DAZL: variants seen among roughly 807,000 people sequenced by gnomAD.
DAZL encodes the protein deleted in azoospermia like.
In DAZL, 4 loss-of-function variants were observed where a neutral mutation model predicts 45.0. The observed-to-expected ratio is 0.09, with a 90% confidence interval of 0.04 to 0.20. The LOEUF is 0.20. DAZL is among the 10% of genes least tolerant of loss of function. The probability of loss-of-function intolerance (pLI) is 1.00; values close to 1 mark genes in which losing one functional copy is unlikely to be tolerated. For missense variants in DAZL, 326 were observed against 351.3 expected (o/e 0.93, Z 0.58); for synonymous variants, 122 against 112.4 (o/e 1.09, Z -0.54).
At chr3:16,592,257 G>A in intron 9 of DAZL, 109 bp from the exon 10 acceptor site, 4 of 1,481,904 alleles carry the variant, frequency 2.7e-6, no homozygotes, top group Admixed American at 1.8e-5. Context: ...CTAAAGAAAT[G>A]CAAAAAATGC....
At chr3:16,596,717 A>G (rs1229077826) in intron 6 of DAZL, 33 bp downstream of exon 6, 1 of 1,610,980 alleles carries the variant, frequency 6.2e-7, no homozygotes, top group Non-Finnish European at 8.5e-7. Context: ...GACTACAATA[A>G]ACAAGAGAAT....
In DAZL at chr3:16,588,287, G is replaced by A. The variant is rs931648236; in HGVS notation, c.*373C>T. On this transcript the variant is annotated 3_prime_UTR_variant, in exon 11 of 11. Transcript: ENST00000399444. ...CTGTTCACAGGTACTTGTTGGAGAA[G>A]TGAAATGTTTGTATTCAGACCAACA... The A allele has an allele frequency of 4.8e-5, 14 of 289,256 alleles. No individual in the cohort carries two copies. The highest frequency in any genetic ancestry group is 1.3e-3 in the Middle Eastern group (1 of 800). The allele number at this position is 289,256 out of a possible 1,614,324, so 17.9% of individuals were successfully genotyped here.
At position 16,587,189 on chromosome 3, in the gene DAZL, C is replaced by T. The variant is rs1342581967; in HGVS notation, c.*1471G>A. 5 of 152,110 alleles carry T rather than the reference C, an allele frequency of 3.3e-5. No homozygotes were observed. Among genetic ancestry groups the T allele is most frequent in the Admixed American group, 3.3e-4 (5 of 15,254 alleles). 9.4% of individuals were successfully genotyped at this position (152,110 alleles called of 1,614,324 possible). ...AATTCTAAAGTTAAAAGACTCTCTC[C>T]TTCAGATTCAGAATGAAAATTTTAA... On this transcript the variant is annotated 3_prime_UTR_variant, in exon 11 of 11. Coordinates refer to ENST00000399444, the MANE Select transcript of DAZL (RefSeq NM_001351.4).
intron 6 of DAZL, among the ~76,000 whole-genome samples, chr3:16,595,913 A>G (rs1694592647): frequency 6.6e-6 from 1 of 152,032 alleles, no homozygotes; most frequent in Non-Finnish European, 1.5e-5. Flanking sequence ...TTCAATAAAT[A>G]GCTACTGATT....
At chr3:16,603,804 C>T (rs375249548) in intron 1 of DAZL, among the ~76,000 whole-genome samples, 6 of 152,244 alleles carry the variant, frequency 3.9e-5, no homozygotes, top group East Asian at 1.9e-4. Flanking sequence ...TTATGCAGCA[C>T]GGTGTAACTC....
At chr3:16,604,534 G>A (rs1401371046) in intron 1 of DAZL, 18 of 1,472,430 alleles carry the variant, frequency 1.2e-5, no homozygotes, top group Admixed American at 2.5e-5. Flanking sequence ...CAGGCGCGAG[G>A]GGACCAGAGG....
chr3:16,603,866 A>G (rs1645894248), intron 1 of DAZL, among the ~76,000 whole-genome samples: 1 of 152,212 alleles, frequency 6.6e-6, no homozygotes. Flanking sequence ...ATAATCTAGA[A>G]GGTCATACAT....
rs747275846 is a variant in DAZL, at chr3:16,596,880, T to C, written c.368A>G (p.His123Arg). The C allele has an allele frequency of 1.2e-6, 2 of 1,613,820 alleles. No homozygotes were observed. Among genetic ancestry groups the C allele is most frequent in the Non-Finnish European group, 1.7e-6 (2 of 1,179,734 alleles). The part of the protein sequence containing the change: ...AIRKQNLCAY[H>R]VQPRPLVFNH... The stretch of plus-strand genomic sequence containing the variant: ...AAAAACCAAAGGACGTGGCTGCACA[T>C]GATAAGCACCTTTTTGAAAAGCAAA... The change falls in exon 6 of 11, where the codon CAT (histidine) becomes CGT (arginine). Residue 123 changes from histidine (H) to arginine (R), a missense_variant. His to Arg is a conservative substitution (Grantham distance 29). Around this residue, in one of 3 missense-constraint regions of DAZL, gnomAD observed 227 missense variants for 216.6 expected, o/e 1.05. Transcript: ENST00000399444.
intron 9 of DAZL, among the ~76,000 whole-genome samples, chr3:16,593,238 G>A (rs780855333): frequency 1.3e-5 from 2 of 152,142 alleles, no homozygotes; most frequent in Non-Finnish European, 2.9e-5. Flanking sequence ...TAGTGGAACT[G>A]GAATATAGGA....
chr3:16,603,162 T>C (rs754338039), intron 1 of DAZL, among the ~76,000 whole-genome samples: 3 of 151,922 alleles, frequency 2.0e-5, no homozygotes, highest in Non-Finnish European at 4.4e-5. Flanking sequence ...ACACCAAGAG[T>C]AGCTTGGAAA....
intron 10 of DAZL, among the ~76,000 whole-genome samples, chr3:16,590,248 A>G (rs1227646228): frequency 6.6e-6 from 1 of 152,226 alleles, no homozygotes; most frequent in African/African-American, 2.4e-5. Context: ...ACAAATGTCA[A>G]CTTTAAGTAT....
intron 1 of DAZL, among the ~76,000 whole-genome samples, chr3:16,601,387 T>C (rs560114879): frequency 2.2e-4 from 33 of 152,306 alleles, no homozygotes; most frequent in Middle Eastern, 6.8e-3. Context: ...TTTAATAGCG[T>C]AATAACATCT....
chr3:16,605,169 C>T, intron 1 of DAZL, 34 bp downstream of exon 1: 8 of 1,614,110 alleles, frequency 5.0e-6, no homozygotes, highest in African/African-American at 4.0e-5. Flanking sequence ...AAGACTCCGC[C>T]AGCCTTGCCC....
Position 16,603,626 on chromosome 3 carries a change from G to A in DAZL, c.3+1577C>T, listed in dbSNP as rs534332379. Among the ~76,000 whole-genome samples, 8 of 152,240 alleles carry A rather than the reference G, an allele frequency of 5.3e-5. No individual in the cohort carries two copies. In the East Asian group the frequency reaches 9.7e-4, roughly 18 times the overall value. Reference sequence around the variant, plus strand: ...CCTCCTAAAGAGATTGATTACAGGCGTGAGCCACCGCGCCCAGCCCATGAT... The same window carrying A: ...CCTCCTAAAGAGATTGATTACAGGCATGAGCCACCGCGCCCAGCCCATGAT... On this transcript the variant is annotated intron_variant, in intron 1 of 10. Transcript: ENST00000399444.
intron 2 of DAZL, 35 bp from the exon 3 acceptor site, chr3:16,598,213 T>A: frequency 1.3e-6 from 2 of 1,541,630 alleles, no homozygotes. Context: ...GAGTAAAAAT[T>A]CAGCATTCAA....
At chr3:16,597,144 TATC>T in intron 4 of DAZL, 93 bp from the exon 5 acceptor site, 2 of 1,387,376 alleles carry the variant, frequency 1.4e-6, no homozygotes, top group South Asian at 1.2e-5. Flanking sequence ...AAATTCCTAT[TATC>T]ATAGAAGATC....
At chr3:16,602,242 C>T (rs982827119) in intron 1 of DAZL, among the ~76,000 whole-genome samples, 1 of 152,114 alleles carries the variant, frequency 6.6e-6, no homozygotes, top group African/African-American at 2.4e-5. Context: ...GATTATAAAA[C>T]AATGCTATGC....
At chr3:16,588,884 A>T (rs1251027936) in intron 10 of DAZL, among the ~76,000 whole-genome samples, 171 bp from the exon 11 acceptor site, 2 of 152,112 alleles carry the variant, frequency 1.3e-5, no homozygotes, top group African/African-American at 4.8e-5. Flanking sequence ...GATAACATAT[A>T]TACCAGGATG....
chr3:16,596,945 ATTTCT>A, intron 5 of DAZL, 38 bp downstream of exon 5: 5 of 1,612,880 alleles, frequency 3.1e-6, no homozygotes, highest in South Asian at 1.1e-5. Flanking sequence ...AAGCTACACA[ATTTCT>A]TTTATGTTTA....
Sources: gnomAD v4.1 joint callset for allele counts (sites outside exome capture counted in the v4.1 genomes callset) on GRCh38, gnomAD v4.1.1 for gene constraint, gnomAD v4.1.1 regional missense constraint, MANE v1.5 for transcripts, NCBI Gene and HGNC (gene_info 2026-07-23, HGNC 2026-07-21) for gene names.